Variants in MAPK14 observed in about 807,000 individuals in gnomAD.
MAPK14 encodes the protein CSAID-binding protein.
In MAPK14, 16 loss-of-function variants were observed where a neutral mutation model predicts 49.6. That is an observed-to-expected ratio of 0.32 (90% confidence interval 0.22 to 0.49). The LOEUF is 0.49. Ranked by LOEUF, MAPK14 falls within the 20% of genes least tolerant of loss-of-function variation. The pLI is 0.99. For synonymous variants in MAPK14, 142 were observed against 158.0 expected (o/e 0.90, Z 0.76); for missense variants, 200 against 441.2 (o/e 0.45, Z 4.90).
intron 1 of MAPK14, among the ~76,000 whole-genome samples, chr6:36,039,725 C>T (rs116058863): frequency 0.018 from 2,727 of 152,200 alleles, 77 homozygotes; most frequent in African/African-American, 0.061. Context: ...TCAGTCCAGG[C>T]TGGGTGCAGT....
intron 8 of MAPK14, 49 bp downstream of exon 8, chr6:36,076,657 G>A: frequency 1.4e-6 from 2 of 1,390,914 alleles, no homozygotes; most frequent in Non-Finnish European, 2.0e-6. Context: ...GTATTCCAGT[G>A]TCCATGGGTG....
chr6:36,064,884 G>T (rs1763982633), intron 3 of MAPK14, among the ~76,000 whole-genome samples: 1 of 152,156 alleles, frequency 6.6e-6, no homozygotes, highest in African/African-American at 2.4e-5. Flanking sequence ...TACATGAGTT[G>T]GTCTCCGGTG....
chr6:36,079,573 TG>T (rs1359671343), intron 8 of MAPK14, among the ~76,000 whole-genome samples: 1 of 152,242 alleles, frequency 6.6e-6, no homozygotes, highest in Non-Finnish European at 1.5e-5. Flanking sequence ...TCCAAAGCCC[TG>T]GGCCACGTGC....
intron 3 of MAPK14, among the ~76,000 whole-genome samples, chr6:36,067,683 A>G (rs1764114951): frequency 1.3e-5 from 2 of 152,210 alleles, no homozygotes; most frequent in South Asian, 4.1e-4. Flanking sequence ...AAATAAGCCT[A>G]CTAAGCTGCC....
intron 8 of MAPK14, chr6:36,092,221 A>T (rs1414087513): frequency 1.8e-6 from 1 of 556,398 alleles, no homozygotes; most frequent in Non-Finnish European, 3.5e-6. Context: ...TACTGTCACG[A>T]TGTGTGTGGT....
intron 8 of MAPK14, among the ~76,000 whole-genome samples, chr6:36,077,245 G>A (rs574006329): frequency 2.0e-5 from 3 of 152,112 alleles, no homozygotes; most frequent in South Asian, 2.1e-4. Context: ...TCCTATCTGC[G>A]GTATGCTTGT....
chr6:36,120,721 C>T, the MAPK14 span, among the ~76,000 whole-genome samples: 7 of 152,222 alleles, frequency 4.6e-5, no homozygotes, highest in Non-Finnish European at 8.8e-5. Flanking sequence ...CCAGTTGACA[C>T]TCCCACCTGC....
intron 1 of MAPK14, among the ~76,000 whole-genome samples, chr6:36,048,426 C>G (rs1297426466): frequency 1.3e-5 from 2 of 152,180 alleles, no homozygotes; most frequent in African/African-American, 4.8e-5. Flanking sequence ...ATCCTCCTGC[C>G]CTGGCCTCCC....
At chr6:36,088,591 G>C (rs890944884) in intron 8 of MAPK14, among the ~76,000 whole-genome samples, 3 of 151,922 alleles carry the variant, frequency 2.0e-5, no homozygotes, top group African/African-American at 7.3e-5. Flanking sequence ...GCATGGTGGT[G>C]TGCGCCTGTA....
chr6:36,052,583 C>CT (rs200584794), intron 1 of MAPK14, 116 bp from the exon 2 acceptor site: 158 of 877,488 alleles, frequency 1.8e-4, no homozygotes, highest in Middle Eastern at 2.5e-4. Flanking sequence ...TATCTTTATG[C>CT]TTTTTTTTGG....
chr6:36,062,170 T>C (rs1763847576), intron 3 of MAPK14, among the ~76,000 whole-genome samples: 1 of 151,942 alleles, frequency 6.6e-6, no homozygotes, highest in African/African-American at 2.4e-5. Flanking sequence ...AGAGACAGGG[T>C]TTTGCCATGT....
At chr6:36,063,160 A>G (rs974967031) in intron 3 of MAPK14, among the ~76,000 whole-genome samples, 11 of 152,246 alleles carry the variant, frequency 7.2e-5, no homozygotes, top group Admixed American at 6.5e-4. Flanking sequence ...CCTAATCTAT[A>G]TGGTGTATCT....
At chr6:36,042,476 C>CTTTTTTTTTTT (rs113286534) in intron 1 of MAPK14, among the ~76,000 whole-genome samples, 7 of 102,684 alleles carry the variant, frequency 6.8e-5, no homozygotes, top group African/African-American at 9.9e-5. Flanking sequence ...GAAGGAATAT[C>CTTTTTTTTTTT]TTTTTTTTTT....
At chr6:36,112,637 T>G (rs1290914145), downstream of MAPK14, among the ~76,000 whole-genome samples, 2 of 152,242 alleles carry the variant, frequency 1.3e-5, no homozygotes, top group African/African-American at 2.4e-5. Context: ...GGCCTCTTGA[T>G]ATTTTGATAT....
At chr6:36,056,399 A>T (rs1290211342) in intron 2 of MAPK14, among the ~76,000 whole-genome samples, 1 of 152,228 alleles carries the variant, frequency 6.6e-6, no homozygotes, top group Non-Finnish European at 1.5e-5. Context: ...CTCAGAGAAG[A>T]TACCAAATGT....
intron 9 of MAPK14, chr6:36,100,277 AAG>A (rs771188450): frequency 3.7e-6 from 6 of 1,602,512 alleles, no homozygotes; most frequent in Admixed American, 1.7e-5. Context: ...GGTGAGAACA[AAG>A]AGACTGTACA....
rs1339932574 is a variant in MAPK14, at chr6:36,083,797, C to A, written c.682+7189C>A. Among the ~76,000 whole-genome samples, 9 of 152,330 alleles carry A rather than the reference C, an allele frequency of 5.9e-5. No individual in the cohort carries two copies. In the East Asian group the frequency reaches 1.7e-3, roughly 29 times the overall value. Reference sequence around the variant, plus strand: ...CCTTGCTGGCTCTGAGGAATCCAGGCAGTCTGGATGAGTGAGATTTCCCCC... The same window carrying A: ...CCTTGCTGGCTCTGAGGAATCCAGGAAGTCTGGATGAGTGAGATTTCCCCC... On this transcript the variant is annotated intron_variant, in intron 8 of 11. Transcript: ENST00000229794.
At chr6:36,082,886 A>T (rs977882784) in intron 8 of MAPK14, among the ~76,000 whole-genome samples, 25 of 152,172 alleles carry the variant, frequency 1.6e-4, no homozygotes, top group African/African-American at 6.0e-4. Flanking sequence ...TTAATTACAC[A>T]TGGCTAGTGG....
intron 8 of MAPK14, among the ~76,000 whole-genome samples, chr6:36,083,773 C>T (rs1046432975): frequency 3.3e-5 from 5 of 152,220 alleles, no homozygotes; most frequent in Non-Finnish European, 7.3e-5. Context: ...AGTCTTTCCC[C>T]TTGCTGGCTC....
Sources: allele counts gnomAD v4.1 joint callset (sites outside exome capture counted in the v4.1 genomes callset), GRCh38; gene constraint gnomAD v4.1.1; transcripts MANE v1.5; gene names NCBI Gene and HGNC (gene_info 2026-07-23, HGNC 2026-07-21).